The following MBTD1 variants were observed in gnomAD, a reference collection of about 807,000 sequenced individuals.
The protein encoded by MBTD1 is mbt domain containing 1, also known as MBT domain-containing protein 1.
MBTD1 carries 24 observed loss-of-function variants against 87.8 expected under a neutral mutation model. That is an observed-to-expected ratio of 0.27 (90% confidence interval 0.20 to 0.38). The LOEUF (loss-of-function observed/expected upper bound fraction) is 0.38, where lower values mean the gene tolerates loss of function less well. Among genes scored for constraint, MBTD1 ranks in the 10% least tolerant of loss-of-function variants. The pLI is 1.00. For synonymous variants in MBTD1, 237 were observed against 248.6 expected, an observed-to-expected ratio of 0.95 and a Z score of 0.44; for missense variants, 436 against 760.2, an observed-to-expected ratio of 0.57 and a Z score of 5.02.
At chr17:51,204,912 T>C (rs1351609798) in intron 7 of MBTD1, among the ~76,000 whole-genome samples, 1 of 152,198 alleles carries the variant, frequency 6.6e-6, no homozygotes, top group Admixed American at 6.5e-5. Context: ...TCGTATGTAT[T>C]TGGAAATAAG....
chr17:51,243,526 C>G (rs1376565487), intron 2 of MBTD1, among the ~76,000 whole-genome samples: 2 of 152,134 alleles, frequency 1.3e-5, no homozygotes, highest in East Asian at 3.8e-4. Flanking sequence ...AACTGGAGCA[C>G]AGTTATCAGT....
chr17:51,194,250 CACG>C (rs1014925721), intron 13 of MBTD1, among the ~76,000 whole-genome samples: 30 of 152,160 alleles, frequency 2.0e-4, no homozygotes, highest in African/African-American at 6.7e-4. Flanking sequence ...CTGGTTAAAC[CACG>C]AGTAAAACAG....
chr17:51,219,654 A>G (rs974331992), intron 4 of MBTD1, among the ~76,000 whole-genome samples: 2 of 152,198 alleles, frequency 1.3e-5, no homozygotes, highest in Non-Finnish European at 2.9e-5. Context: ...TTTCAGTGCT[A>G]TGTAATGATC....
rs2050210544 is a variant in MBTD1, at chr17:51,179,492, A to ATATATATATATT, written c.*1083_*1084insAATATATATATA. The stretch of plus-strand genomic sequence containing the variant: ...TACAATTAAAGACAATTTTATATAT[A>ATATATATATATT]TATATATATATATATATATATATAT... On this transcript the variant is annotated 3_prime_UTR_variant, in exon 17 of 17. Coordinates refer to ENST00000586178, the MANE Select transcript of MBTD1 (RefSeq NM_017643.3). 32 of 30,962 alleles carry ATATATATATATT rather than the reference A, an allele frequency of 1.0e-3. 1 individual carries two copies. The highest frequency in any genetic ancestry group is 1.8e-3 in the Non-Finnish European group (27 of 15,030). 1.9% of individuals were successfully genotyped at this position (30,962 alleles called of 1,614,324 possible). A position where few individuals can be genotyped will look rare whatever the true frequency, so the allele number is the denominator to read the frequency against.
At chr17:51,215,346 T>C (rs950906225) in intron 6 of MBTD1, among the ~76,000 whole-genome samples, 2 of 152,212 alleles carry the variant, frequency 1.3e-5, no homozygotes, top group African/African-American at 4.8e-5. Flanking sequence ...TAATATAGTA[T>C]AACAATTCAA....
chr17:51,259,851 T>C lies in MBTD1; in HGVS notation c.-129A>G. ...GGCTCTCACCAGATCCTTTGTGTTT[T>C]CCATCAGGGCCTCATGGGTAGGGGT... is the stretch of plus-strand genomic sequence containing the variant. On this transcript the variant is annotated 5_prime_UTR_variant, in exon 1 of 17. Transcript: ENST00000586178. The C allele has an allele frequency of 8.1e-7, 1 of 1,231,790 alleles. No individual in the cohort carries two copies. The highest frequency in any genetic ancestry group is 1.0e-6 in the Non-Finnish European group (1 of 987,828). The allele number at this position is 1,231,790 out of a possible 1,614,324, so 76.3% of individuals were successfully genotyped here. A position where few individuals can be genotyped will look rare whatever the true frequency, so the allele number is the denominator to read the frequency against.
At chr17:51,260,679 G>C, upstream of MBTD1, 2 of 1,610,726 alleles carry the variant, frequency 1.2e-6, no homozygotes, top group Non-Finnish European at 8.5e-7. Context: ...TGGAAAGCCG[G>C]AGCGGGGCCA....
At chr17:51,197,048 A>G (rs1010505420) in intron 12 of MBTD1, among the ~76,000 whole-genome samples, 1 of 508 alleles carries the variant, frequency 2.0e-3, no homozygotes, top group African/African-American at 7.0e-3. Flanking sequence ...CAAGATATAT[A>G]TATATATATA....
upstream of MBTD1, chr17:51,260,519 G>A: frequency 1.3e-6 from 2 of 1,496,130 alleles, no homozygotes; most frequent in Admixed American, 5.1e-5. Context: ...GGCGGCCCGC[G>A]AGGGGCCTGG....
At chr17:51,241,587 A>G (rs964903786) in intron 2 of MBTD1, among the ~76,000 whole-genome samples, 2 of 151,570 alleles carry the variant, frequency 1.3e-5, no homozygotes, top group African/African-American at 4.9e-5. Context: ...TTTTTTTGAG[A>G]TAGCGTCTCG....
intron 2 of MBTD1, among the ~76,000 whole-genome samples, chr17:51,242,396 C>T (rs2054207830): frequency 6.6e-6 from 1 of 152,170 alleles, no homozygotes; most frequent in Admixed American, 6.5e-5. Flanking sequence ...CCCTTTTAGA[C>T]ATTTAAATAG....
intron 2 of MBTD1, among the ~76,000 whole-genome samples, chr17:51,237,068 G>A (rs895536905): frequency 5.9e-5 from 9 of 152,022 alleles, no homozygotes; most frequent in African/African-American, 9.7e-5. Flanking sequence ...AGGCCGAGGC[G>A]GGCGGATCAC....
rs1568146793 is a variant in MBTD1 at position 51,187,865 on chromosome 17, A to AT, written c.1768+4337_1768+4338insA. Among the ~76,000 whole-genome samples, 68 of 122,630 alleles carry AT rather than the reference A, an allele frequency of 5.5e-4. 1 individual carries two copies. The South Asian group carries it at 0.016, about 30-fold the overall frequency. The allele number at this position is 122,630 out of a possible 152,430, so 80.5% of individuals were successfully genotyped here. ...CTCTGTCTCAAAAAGAAAGAAAGAA[A>AT]GAAAAAAAAAAAAAAAGCAAAGGGA... On this transcript the variant is annotated intron_variant, in intron 16 of 16. Transcript: ENST00000586178.
At chr17:51,247,681 G>A (rs1412472997) in intron 2 of MBTD1, among the ~76,000 whole-genome samples, 1 of 151,966 alleles carries the variant, frequency 6.6e-6, no homozygotes, top group Non-Finnish European at 1.5e-5. Context: ...AACTCCTGGG[G>A]TCAAGTGATC....
chr17:51,179,528 A>ATT lies in MBTD1; in HGVS notation c.*1047_*1048insAA, dbSNP rs2050230668. The ATT allele has an allele frequency of 9.5e-6, 1 of 105,260 alleles. No homozygotes were observed. The highest frequency in any genetic ancestry group is 3.1e-5 in the African/African-American group (1 of 31,934). The allele number at this position is 105,260 out of a possible 1,614,324, so 6.5% of individuals were successfully genotyped here. A position where few individuals can be genotyped will look rare whatever the true frequency, so the allele number is the denominator to read the frequency against. On this transcript the variant is annotated 3_prime_UTR_variant, in exon 17 of 17. Coordinates refer to ENST00000586178, the MANE Select transcript of MBTD1 (RefSeq NM_017643.3). ...TATATATATATATATATATATATATATATATATATGGAATTTTAAGAAAAT... is the reference window on the plus strand; with the variant it reads ...TATATATATATATATATATATATATATTTATATATATGGAATTTTAAGAAAAT...
rs2052733845 is a variant in MBTD1, at chr17:51,218,968, T to A, written c.365A>T (p.Tyr122Phe). The A allele has an allele frequency of 1.9e-6, 3 of 1,551,136 alleles. No individual in the cohort carries two copies. In the East Asian group the frequency reaches 7.3e-5, roughly 38 times the overall value. Residue 122 changes from tyrosine to phenylalanine, a missense_variant, in exon 5 of 17, where the codon TAT (tyrosine) becomes TTT (phenylalanine). Around this residue, in one of 5 missense-constraint regions of MBTD1, gnomAD observed 268 missense variants for 401.8 expected, o/e 0.67. Transcript: ENST00000586178. ...LVAKLAAYAQ[Y>F]QATLQNQAKT... ...TGCTTGATTTTGCAAGGTAGCTTGA[T>A]ACTGAGCATATGCGGCTAGCTTAGC...
chr17:51,200,015 C>T (rs779141157), intron 12 of MBTD1, among the ~76,000 whole-genome samples: 6 of 152,032 alleles, frequency 3.9e-5, no homozygotes, highest in Admixed American at 6.6e-5. Context: ...TTAGTAGAGA[C>T]AGGGTTTCAC....
intron 6 of MBTD1, among the ~76,000 whole-genome samples, chr17:51,207,306 G>A (rs1335382985): frequency 6.6e-6 from 1 of 152,096 alleles, no homozygotes; most frequent in African/African-American, 2.4e-5. Context: ...AGATTTAATA[G>A]GATTAAACTG....
chr17:51,203,219 T>C lies in MBTD1; in HGVS notation c.749A>G (p.His250Arg). The change falls in exon 9 of 17, where the codon CAT becomes CGT. Residue 250 changes from histidine (H) to arginine (R), a missense_variant. Physicochemically the swap from His to Arg is conservative, Grantham distance 29. This residue lies in a region of MBTD1 where 268 missense variants were observed against 401.8 expected (regional missense o/e 0.67). Transcript: ENST00000586178. The part of the protein sequence containing the change: ...KPLVPPRTIQ[H>R]KYTNWKAFLV... The stretch of plus-strand genomic sequence containing the variant: ...AAAAGCTTTCCAGTTTGTATATTTA[T>C]GCTGAATAGCTAAAATAGAAGAAAT... 1 of 1,523,618 alleles carries C rather than the reference T, an allele frequency of 6.6e-7. No individual in the cohort carries two copies. The highest frequency in any genetic ancestry group is 8.8e-7 in the Non-Finnish European group (1 of 1,131,118). The allele number at this position is 1,523,618 out of a possible 1,614,324, so 94.4% of individuals were successfully genotyped here.
Sources: allele counts gnomAD v4.1 joint callset (sites outside exome capture counted in the v4.1 genomes callset), GRCh38; gene constraint gnomAD v4.1.1; regional missense constraint gnomAD v4.1.1; transcripts MANE v1.5; gene names NCBI Gene and HGNC (gene_info 2026-07-23, HGNC 2026-07-21).